Variants in MGAT4C observed in about 807,000 individuals in gnomAD.
MGAT4C encodes MGAT4 family member C, also known as alpha-1,3-mannosyl-glycoprotein 4-beta-N-acetylglucosaminyltransferase C.
In MGAT4C, 19 loss-of-function variants were observed where a neutral mutation model predicts 40.1. The ratio of observed to expected loss-of-function variants is 0.47; its 90% CI spans 0.33 to 0.70. The LOEUF is 0.70. Ranked by LOEUF, MGAT4C falls within the 30% of genes least tolerant of loss-of-function variation. The pLI is 0.02. For synonymous variants in MGAT4C, 181 were observed against 187.1 expected (o/e 0.97, Z 0.27); for missense variants, 491 against 563.2 (o/e 0.87, Z 1.30).
chr12:86,780,665 G>T (rs1399741289), intron 1 of MGAT4C, among the ~76,000 whole-genome samples: 3 of 152,086 alleles, frequency 2.0e-5, no homozygotes, highest in African/African-American at 2.4e-5. Flanking sequence ...TCAGTTAAAA[G>T]GTGTTTCTCC....
intron 2 of MGAT4C, among the ~76,000 whole-genome samples, chr12:86,464,893 T>A (rs980373136): frequency 6.6e-6 from 1 of 152,280 alleles, no homozygotes; most frequent in Non-Finnish European, 1.5e-5. Context: ...ATATGAATAA[T>A]GCATTATATT....
intron 2 of MGAT4C, among the ~76,000 whole-genome samples, chr12:86,628,417 G>A (rs1028662918): frequency 2.2e-4 from 33 of 152,072 alleles, no homozygotes; most frequent in African/African-American, 7.7e-4. Flanking sequence ...TACTCCTCGA[G>A]AAGAGCAACC....
chr12:86,816,877 CTGT>C (rs1457368714), intron 1 of MGAT4C, among the ~76,000 whole-genome samples: 4 of 151,164 alleles, frequency 2.6e-5, no homozygotes, highest in Non-Finnish European at 4.4e-5. Flanking sequence ...TTGTTTCTCA[CTGT>C]TATTATTATT....
chr12:86,567,337 A>G (rs1960176712), intron 2 of MGAT4C, among the ~76,000 whole-genome samples: 1 of 152,124 alleles, frequency 6.6e-6, no homozygotes, highest in South Asian at 2.1e-4. Context: ...CACAACAATG[A>G]CTTCATTAAA....
intron 2 of MGAT4C, among the ~76,000 whole-genome samples, chr12:86,441,142 G>A (rs1254166072): frequency 6.6e-6 from 1 of 151,874 alleles, no homozygotes; most frequent in Non-Finnish European, 1.5e-5. Flanking sequence ...AACCAAGAAA[G>A]AGCCTAAATA....
intron 1 of MGAT4C, among the ~76,000 whole-genome samples, chr12:86,776,414 G>A (rs925886321): frequency 3.3e-5 from 5 of 151,398 alleles, no homozygotes; most frequent in African/African-American, 1.2e-4. Context: ...CCATGTATGA[G>A]GTTAATTGTA....
chr12:86,395,900 A>G (rs1047205871), intron 3 of MGAT4C, among the ~76,000 whole-genome samples: 5 of 152,194 alleles, frequency 3.3e-5, no homozygotes, highest in African/African-American at 1.2e-4. Context: ...TACATGCTGC[A>G]GAATAATAAT....
chr12:86,639,375 A>T (rs913465977), intron 2 of MGAT4C, among the ~76,000 whole-genome samples: 4 of 151,740 alleles, frequency 2.6e-5, no homozygotes, highest in Non-Finnish European at 5.9e-5. Context: ...AGAACTTTGT[A>T]TAAGTATTTT....
At chr12:86,488,432 A>G (rs1017565115) in intron 2 of MGAT4C, among the ~76,000 whole-genome samples, 6 of 151,740 alleles carry the variant, frequency 4.0e-5, no homozygotes, top group Admixed American at 3.9e-4. Context: ...GTCTCAAAAA[A>G]AAAAAACAAA....
chr12:86,513,196 C>T (rs935450496), intron 2 of MGAT4C, among the ~76,000 whole-genome samples: 3 of 151,996 alleles, frequency 2.0e-5, no homozygotes, highest in African/African-American at 7.3e-5. Flanking sequence ...AACTATTATA[C>T]TTAAAAATCA....
chr12:86,634,860 A>G (rs1963169463), intron 2 of MGAT4C, among the ~76,000 whole-genome samples: 1 of 152,156 alleles, frequency 6.6e-6, no homozygotes, highest in Non-Finnish European at 1.5e-5. Context: ...GCAGCAAGTC[A>G]TAGGTTCAGC....
chr12:86,172,075 G>T (rs1456999579), intron 1 of MGAT4C, among the ~76,000 whole-genome samples: 1 of 152,016 alleles, frequency 6.6e-6, no homozygotes, highest in Non-Finnish European at 1.5e-5. Flanking sequence ...TATCTCCTCT[G>T]GTACAATTAG....
At chr12:86,693,747 A>G (rs1353069768) in intron 2 of MGAT4C, among the ~76,000 whole-genome samples, 1 of 152,180 alleles carries the variant, frequency 6.6e-6, no homozygotes, top group Non-Finnish European at 1.5e-5. Context: ...TAAGTAATGG[A>G]GAGAAATTTT....
intron 2 of MGAT4C, among the ~76,000 whole-genome samples, chr12:86,670,281 C>T (rs1013392590): frequency 6.6e-6 from 1 of 151,948 alleles, no homozygotes; most frequent in Non-Finnish European, 1.5e-5. Context: ...TGAATTCCAA[C>T]TCAAGTTTGA....
intron 2 of MGAT4C, among the ~76,000 whole-genome samples, chr12:86,034,063 T>C (rs903109093): frequency 2.0e-5 from 3 of 149,886 alleles, no homozygotes; most frequent in African/African-American, 7.3e-5. Context: ...ATTTACTGAT[T>C]TGCATATGTT....
intron 3 of MGAT4C, among the ~76,000 whole-genome samples, chr12:86,351,301 C>T (rs1014419463): frequency 2.0e-5 from 3 of 151,828 alleles, no homozygotes; most frequent in Admixed American, 2.0e-4. Flanking sequence ...TGTTACTCAC[C>T]AATTTCTGTT....
chr12:86,578,376 C>A lies in MGAT4C; in HGVS notation c.-228-143111G>T, dbSNP rs531522820. ...TTCTCTGGCTTTGGTATCAGGGTAA[C>A]ACTGGCCTCATAGAATGAATTTGGA... On this transcript the variant is annotated intron_variant, in intron 2 of 7. Coordinates refer to the MGAT4C transcript ENST00000548651. Among the ~76,000 whole-genome samples, 35 of 151,918 alleles carry A rather than the reference C, an allele frequency of 2.3e-4. No homozygotes were observed. In the Middle Eastern group the frequency reaches 0.01, roughly 44 times the overall value.
chr12:86,298,429 A>G (rs985051439), intron 4 of MGAT4C, among the ~76,000 whole-genome samples: 1 of 152,150 alleles, frequency 6.6e-6, no homozygotes, highest in Admixed American at 6.5e-5. Flanking sequence ...CTGAAAACCG[A>G]TTTAATGTTA....
intron 1 of MGAT4C, among the ~76,000 whole-genome samples, chr12:86,076,459 C>G (rs1869738393): frequency 6.6e-6 from 1 of 152,164 alleles, no homozygotes; most frequent in Admixed American, 6.6e-5. Flanking sequence ...TTTCAGGTAT[C>G]TTTTCAGCAA....
Sources: gnomAD v4.1 joint callset for allele counts (sites outside exome capture counted in the v4.1 genomes callset) on GRCh38, gnomAD v4.1.1 for gene constraint, MANE v1.5 for transcripts, NCBI Gene and HGNC (gene_info 2026-07-23, HGNC 2026-07-21) for gene names.